Variants in FOXN3 observed in about 807,000 individuals in gnomAD.
FOXN3 encodes the protein forkhead box protein N3.
In FOXN3, 7 loss-of-function variants were observed where a neutral mutation model predicts 38.4. The observed-to-expected ratio is 0.18, with a 90% CI of 0.10 to 0.34. The LOEUF (loss-of-function observed/expected upper bound fraction) is 0.34, where lower values mean the gene tolerates loss of function less well. FOXN3 is among the 10% of genes least tolerant of loss of function. The pLI, the probability that FOXN3 is intolerant of heterozygous loss-of-function variation, is 1.00. For missense variants in FOXN3, 456 were observed against 613.4 expected (o/e 0.74, Z 2.71); for synonymous variants, 230 against 242.2 (o/e 0.95, Z 0.47).
At chr14:89,574,739 C>T (rs909240987) in intron 1 of FOXN3, among the ~76,000 whole-genome samples, 1 of 152,170 alleles carries the variant, frequency 6.6e-6, no homozygotes, top group African/African-American at 2.4e-5. Context: ...GTGGCTGGAA[C>T]AAGAAAAGAA....
At chr14:89,321,165 C>T (rs1887884591) in intron 3 of FOXN3, among the ~76,000 whole-genome samples, 1 of 152,010 alleles carries the variant, frequency 6.6e-6, no homozygotes, top group Non-Finnish European at 1.5e-5. Flanking sequence ...GTGGTGTGCA[C>T]CTGTAATCCC....
Position 89,156,223 on chromosome 14 carries a change from G to A in FOXN3, c.*6191C>T. The A allele has an allele frequency of 6.6e-6, 1 of 152,628 alleles. No homozygotes were observed. Among genetic ancestry groups the A allele is most frequent in the East Asian group, 1.9e-4 (1 of 5,194 alleles). The allele number at this position is 152,628 out of a possible 1,614,324, so 9.5% of individuals were successfully genotyped here. ...TCAGTAATTTTTATTGCAACTGGAA[G>A]ACAATACATCACAGAAACTTTATGG... On this transcript the variant is annotated 3_prime_UTR_variant, in exon 6 of 6. Coordinates refer to ENST00000557258, the MANE Select transcript of FOXN3 (RefSeq NM_005197.4).
chr14:89,229,625 AC>A (rs1479011006), intron 4 of FOXN3, among the ~76,000 whole-genome samples: 4 of 152,134 alleles, frequency 2.6e-5, no homozygotes, highest in Non-Finnish European at 5.9e-5. Flanking sequence ...AGCAGAAAAT[AC>A]ACTTCCGATG....
Position 89,484,161 on chromosome 14 carries a change from A to C in FOXN3, c.-14-71671T>G, listed in dbSNP as rs967777989. Among the ~76,000 whole-genome samples, 1 of 152,216 alleles carries C rather than the reference A, an allele frequency of 6.6e-6. No individual in the cohort carries two copies. The highest frequency in any genetic ancestry group is 1.5e-5 in the Non-Finnish European group (1 of 68,042). ...TGACCAATTCGCTTTCTCACTCCAG[A>C]AAATCCCCCCTTCTGCTCCTTCCTA... is the stretch of plus-strand genomic sequence containing the variant. On this transcript the variant is annotated intron_variant, in intron 1 of 6. Coordinates refer to the FOXN3 transcript ENST00000345097. The surrounding 1 kb of genome is among the most constrained non-coding windows in gnomAD (Gnocchi z 4.0).
At chr14:89,223,662 AG>A (rs1284877480) in intron 4 of FOXN3, among the ~76,000 whole-genome samples, 1 of 152,166 alleles carries the variant, frequency 6.6e-6, no homozygotes, top group Non-Finnish European at 1.5e-5. Flanking sequence ...TGGGCAGTCG[AG>A]GGTGAGAGGT....
At chr14:89,497,692 C>T (rs757532173) in intron 1 of FOXN3, among the ~76,000 whole-genome samples, 18 of 152,112 alleles carry the variant, frequency 1.2e-4, no homozygotes, top group Non-Finnish European at 2.4e-4. Flanking sequence ...CATGAGCCAC[C>T]GTGCCCGACC....
At chr14:89,384,244 G>A (rs976409152) in intron 2 of FOXN3, among the ~76,000 whole-genome samples, 2 of 152,206 alleles carry the variant, frequency 1.3e-5, no homozygotes, top group African/African-American at 2.4e-5. Flanking sequence ...GCTGCCCTGG[G>A]CGTGGCATGT....
intron 2 of FOXN3, among the ~76,000 whole-genome samples, chr14:89,376,694 C>T (rs1566971886): frequency 6.6e-6 from 1 of 152,052 alleles, no homozygotes; most frequent in East Asian, 1.9e-4. Context: ...TTAAGAAGCA[C>T]CCAGCATTGC....
chr14:89,333,661 C>A (rs1164674518), intron 3 of FOXN3, among the ~76,000 whole-genome samples: 1 of 141,638 alleles, frequency 7.1e-6, no homozygotes, highest in Non-Finnish European at 1.5e-5. Context: ...AACTGGGAGG[C>A]TGAGGCATGA....
chr14:89,316,440 C>T lies in FOXN3; in HGVS notation c.680+34232G>A, dbSNP rs188800347. Among the ~76,000 whole-genome samples, 364 of 152,182 alleles carry T rather than the reference C, an allele frequency of 2.4e-3. 3 individuals are homozygous for T. The highest frequency in any genetic ancestry group is 8.3e-3 in the African/African-American group (345 of 41,522). ...GCTAGATCATGGCTCACTGCAGCCT[C>T]GACCTCCCAGGCTCAAGCAATCCTC... On this transcript the variant is annotated intron_variant, in intron 3 of 5. Transcript: ENST00000557258.
At chr14:89,559,932 A>G (rs1310491959) in intron 1 of FOXN3, among the ~76,000 whole-genome samples, 1 of 152,156 alleles carries the variant, frequency 6.6e-6, no homozygotes, top group Non-Finnish European at 1.5e-5. Context: ...CCTTCCTTGC[A>G]TGAACCAGTA....
intron 2 of FOXN3, among the ~76,000 whole-genome samples, chr14:89,365,677 G>C (rs1023896065): frequency 6.6e-6 from 1 of 152,104 alleles, no homozygotes; most frequent in African/African-American, 2.4e-5. Context: ...AAAGGGTAGA[G>C]GCACAGAAGC....
chr14:89,379,705 G>A (rs1480308050), intron 2 of FOXN3, among the ~76,000 whole-genome samples: 1 of 152,050 alleles, frequency 6.6e-6, no homozygotes, highest in Non-Finnish European at 1.5e-5. Flanking sequence ...CTGGAGTGAA[G>A]TGGCACAATC....
At chr14:89,426,460 C>G (rs1273185031) in intron 1 of FOXN3, among the ~76,000 whole-genome samples, 2 of 151,290 alleles carry the variant, frequency 1.3e-5, no homozygotes, top group Admixed American at 1.3e-4. Context: ...CTCCTGACCT[C>G]AGGTGACCCA....
upstream of FOXN3, chr14:89,419,018 C>T: frequency 2.5e-6 from 1 of 407,574 alleles, no homozygotes; most frequent in Non-Finnish European, 5.0e-6. Flanking sequence ...TTTTCACCGG[C>T]CCCAGTCCCC....
chr14:89,220,101 T>C (rs1884417857), intron 4 of FOXN3, among the ~76,000 whole-genome samples: 1 of 152,226 alleles, frequency 6.6e-6, no homozygotes, highest in Non-Finnish European at 1.5e-5. Context: ...TCCTCCTCCT[T>C]TCTTCTCATC....
chr14:89,334,026 TACACAC>T (rs34061100), intron 3 of FOXN3, among the ~76,000 whole-genome samples: 1 of 127,150 alleles, frequency 7.9e-6, no homozygotes, highest in Non-Finnish European at 1.7e-5. Context: ...AAATGTGGTA[TACACAC>T]ACACACACAC....
intron 1 of FOXN3, among the ~76,000 whole-genome samples, chr14:89,544,757 G>T (rs547857399): frequency 1.1e-4 from 17 of 152,234 alleles, no homozygotes; most frequent in African/African-American, 4.1e-4. Flanking sequence ...GACAGCTACT[G>T]GGTGACTTAC....
At chr14:89,437,129 C>T (rs56135210) in intron 1 of FOXN3, among the ~76,000 whole-genome samples, 15,143 of 151,624 alleles carry the variant, frequency 0.1, 819 homozygotes, top group Non-Finnish European at 0.12. Flanking sequence ...GCCAAGATCG[C>T]GCCACTGCAC....
Sources: gnomAD v4.1 joint callset for allele counts (sites outside exome capture counted in the v4.1 genomes callset) on GRCh38, gnomAD v4.1.1 for gene constraint, Gnocchi (gnomAD v3.1) non-coding constraint, MANE v1.5 for transcripts, NCBI Gene and HGNC (gene_info 2026-07-23, HGNC 2026-07-21) for gene names.